CCT5: variants seen among roughly 807,000 people sequenced by gnomAD.
CCT5 encodes T-complex protein 1 subunit epsilon.
Under a neutral mutation model 55.0 loss-of-function variants are expected in CCT5, and 6 were observed. That is an observed-to-expected ratio of 0.11 (90% CI 0.06 to 0.22). The LOEUF (loss-of-function observed/expected upper bound fraction) is 0.22, where lower values mean the gene tolerates loss of function less well. CCT5 is among the 10% of genes least tolerant of loss of function. CCT5 has a pLI of 1.00. For synonymous variants in CCT5, 231 were observed against 243.7 expected (o/e 0.95, Z 0.49); for missense variants, 560 against 694.6 (o/e 0.81, Z 2.18).
At position 10,258,475 on chromosome 5, in the gene CCT5, C is replaced by G; in HGVS notation, c.813C>G (p.Val271=). The change falls in exon 6 of 11, where the codon GTC becomes GTG. Residue 271 remains valine (V), a synonymous_variant. Coordinates refer to ENST00000280326, the MANE Select transcript of CCT5 (RefSeq NM_012073.5). ...KTKHKLDVTS[V]EDYKALQKYE... ...AGCATAAGCTGGATGTGACCTCTGT[C>G]GAAGATTATAAAGCCCTTCAGAAAT... is the stretch of plus-strand genomic sequence containing the variant. 1 of 1,613,914 alleles carries G rather than the reference C, an allele frequency of 6.2e-7. No individual in the cohort carries two copies. Among genetic ancestry groups the G allele is most frequent in the Non-Finnish European group, 8.5e-7 (1 of 1,179,864 alleles).
chr5:10,263,632 C>T (rs778323219), intron 10 of CCT5, among the ~76,000 whole-genome samples: 1 of 152,190 alleles, frequency 6.6e-6, no homozygotes, highest in Non-Finnish European at 1.5e-5. Context: ...CAGTGGGCAG[C>T]ATATATATAA....
In CCT5 at chr5:10,258,433, A is replaced by T; in HGVS notation, c.771A>T (p.Pro257=). The stretch of plus-strand genomic sequence containing the variant: ...CAATTCTCACATGTCCATTTGAACC[A>T]CCCAAACCAAAAACAAAGCATAAGC... The part of the protein sequence containing the change: ...KIAILTCPFE[P]PKPKTKHKLD... Residue 257 remains proline, a synonymous_variant, in exon 6 of 11, where the codon CCA becomes CCT. Coordinates refer to ENST00000280326, the MANE Select transcript of CCT5 (RefSeq NM_012073.5). 6.2e-7 allele frequency: 1 copy of T among 1,614,204 alleles called. No individual in the cohort carries two copies. Among genetic ancestry groups the T allele is most frequent in the East Asian group, 2.2e-5 (1 of 44,896 alleles).
chr5:10,250,335 T>C lies in CCT5; in HGVS notation c.-6T>C. 1 of 1,614,028 alleles carries C rather than the reference T, an allele frequency of 6.2e-7. No homozygotes were observed. The highest frequency in any genetic ancestry group is 8.5e-7 in the Non-Finnish European group (1 of 1,180,022). ...GTTGGGGGGAAGTAATTCCGGTTGT[T>C]GCACCATGGCGTCCATGGGGACCCT... On this transcript the variant is annotated 5_prime_UTR_variant, in exon 1 of 11. Transcript: ENST00000280326.
Position 10,250,407 on chromosome 5 carries a change from G to A in CCT5, c.67G>A (p.Asp23Asn). The A allele has an allele frequency of 6.2e-7, 1 of 1,614,064 alleles. No individual in the cohort carries two copies. The highest frequency in any genetic ancestry group is 8.5e-7 in the Non-Finnish European group (1 of 1,180,048). ...GRPFLIIKDQ[D>N]RKSRLMGLEA... is the part of the protein sequence containing the mutation. ...CCCTTTCCTCATCATCAAGGATCAG[G>A]ACCGCAAGTCCCGTCTTATGGGACT... The change falls in exon 1 of 11, where the codon GAC (aspartate) becomes AAC (asparagine). Residue 23 changes from aspartate to asparagine, a missense_variant. Coordinates refer to ENST00000280326, the MANE Select transcript of CCT5 (RefSeq NM_012073.5).
intron 8 of CCT5, 91 bp downstream of exon 8, chr5:10,261,836 AC>A: frequency 2.0e-6 from 2 of 981,280 alleles, no homozygotes; most frequent in Non-Finnish European, 3.3e-6. Flanking sequence ...AGACACAGTC[AC>A]CATAAGAAAA....
chr5:10,255,509 C>T (rs563188008), intron 3 of CCT5, among the ~76,000 whole-genome samples: 5 of 149,848 alleles, frequency 3.3e-5, no homozygotes, highest in African/African-American at 7.4e-5. Context: ...GTTCTCGGTG[C>T]GCTTGGAGAG....
rs1746053226 is a variant in CCT5 at position 10,263,210 on chromosome 5, A to T, written c.1394A>T (p.Asn465Ile). 3 of 1,614,178 alleles carry T rather than the reference A, an allele frequency of 1.9e-6. No homozygotes were observed. Among genetic ancestry groups the T allele is most frequent in the Non-Finnish European group, 2.5e-6 (3 of 1,180,040 alleles). The change falls in exon 10 of 11, where the codon AAC becomes ATC. Residue 465 changes from asparagine (N) to isoleucine (I), a missense_variant. By Grantham distance (149) the Asn-to-Ile change is moderately radical (BLOSUM62 -3). Around this residue, in one of 4 missense-constraint regions of CCT5, gnomAD observed 115 missense variants for 105.0 expected, o/e 1.10. Transcript: ENST00000280326. ...GTCATCCCCATGGCCCTCTCTGAAA[A>T]CAGTGGCATGAATCCCATCCAGACT... is the stretch of plus-strand genomic sequence containing the variant. ...LEVIPMALSE[N>I]SGMNPIQTMT...
chr5:10,262,461 G>A lies in CCT5; in HGVS notation c.1180-20G>A, dbSNP rs756917554. Reference sequence around the variant, plus strand: ...ACTAGATCTTGATCACATTAATTCAGGCAAAGCTGTTTTCCTTAGATCATT... The same window carrying A: ...ACTAGATCTTGATCACATTAATTCAAGCAAAGCTGTTTTCCTTAGATCATT... On this transcript the variant is annotated intron_variant, in intron 8 of 10. Transcript: ENST00000280326. 11 of 1,613,006 alleles carry A rather than the reference G, an allele frequency of 6.8e-6. No individual in the cohort carries two copies. Among genetic ancestry groups the A allele is most frequent in the Non-Finnish European group, 8.5e-6 (10 of 1,179,942 alleles).
intron 1 of CCT5, chr5:10,250,733 C>G: frequency 1.6e-6 from 2 of 1,257,908 alleles, no homozygotes; most frequent in Non-Finnish European, 2.0e-6. Flanking sequence ...AGCGGGACCG[C>G]CTCCCCGCCC....
chr5:10,249,930 AAAAACC>A (rs1745273306), upstream of CCT5: 1,420 of 753,870 alleles, frequency 1.9e-3, 4 homozygotes, highest in Non-Finnish European at 2.2e-3. Flanking sequence ...AAAAAAAAAA[AAAAACC>A]GGAAATGGGT....
At chr5:10,260,522 C>G (rs1230050711) in intron 6 of CCT5, among the ~76,000 whole-genome samples, 1 of 140,824 alleles carries the variant, frequency 7.1e-6, no homozygotes, top group Non-Finnish European at 1.6e-5. Flanking sequence ...GGTTTTGCCT[C>G]ACTGTAACAA....
intron 9 of CCT5, 104 bp from the exon 10 acceptor site, chr5:10,263,030 T>C (rs1319225889): frequency 1.1e-6 from 1 of 934,634 alleles, no homozygotes; most frequent in Non-Finnish European, 1.7e-6. Context: ...TACAATTCTT[T>C]GTGAGCTGAC....
intron 1 of CCT5, among the ~76,000 whole-genome samples, chr5:10,252,787 A>C (rs1745491820): frequency 6.6e-6 from 1 of 152,166 alleles, no homozygotes; most frequent in African/African-American, 2.4e-5. Flanking sequence ...CTGGAAACAC[A>C]CAGAACTAGC....
chr5:10,261,638 C>G lies in CCT5; in HGVS notation c.1072C>G (p.Leu358Val). The G allele has an allele frequency of 3.1e-6, 5 of 1,614,112 alleles. No homozygotes were observed. Among genetic ancestry groups the G allele is most frequent in the Non-Finnish European group, 4.2e-6 (5 of 1,180,012 alleles). ...AGCCGAGAAGCTGGGCTTTGCTGGT[C>G]TTGTACAGGAGATCTCATTTGGGAC... is the stretch of plus-strand genomic sequence containing the variant. Reference protein sequence around the residue: ...LTAEKLGFAGLVQEISFGTTK... With the variant: ...LTAEKLGFAGVVQEISFGTTK... Residue 358 changes from leucine (L) to valine (V), a missense_variant, in exon 8 of 11, where the codon CTT becomes GTT. Physicochemically the swap from Leu to Val is conservative, Grantham distance 32. Around this residue, in one of 4 missense-constraint regions of CCT5, gnomAD observed 256 missense variants for 372.4 expected, o/e 0.69. Coordinates refer to ENST00000280326, the MANE Select transcript of CCT5 (RefSeq NM_012073.5).
In CCT5 at chr5:10,265,183, G is replaced by T; in HGVS notation, c.*400G>T. On this transcript the variant is annotated 3_prime_UTR_variant, in exon 11 of 11. Transcript: ENST00000280326. ...GCACTTTCATATTGAGAGGAATATG[G>T]GCTTGATCCTCTTCCTATCTAAATG... The T allele has an allele frequency of 9.2e-6, 2 of 217,240 alleles. No homozygotes were observed. The highest frequency in any genetic ancestry group is 6.6e-5 in the South Asian group (1 of 15,178). 13.5% of individuals were successfully genotyped at this position (217,240 alleles called of 1,614,324 possible). A position where few individuals can be genotyped will look rare whatever the true frequency, so the allele number is the denominator to read the frequency against.
intron 10 of CCT5, among the ~76,000 whole-genome samples, chr5:10,263,905 G>A (rs1445983878): frequency 6.6e-6 from 1 of 152,112 alleles, no homozygotes; most frequent in Non-Finnish European, 1.5e-5. Context: ...AATTCCAAGG[G>A]TTTCAATAGT....
intron 1 of CCT5, chr5:10,250,930 C>T: frequency 1.1e-6 from 1 of 937,876 alleles, no homozygotes; most frequent in African/African-American, 1.8e-5. Flanking sequence ...TTTCTGAGTG[C>T]TTTTTTGCCC....
At position 10,256,160 on chromosome 5, in the gene CCT5, T is replaced by C; in HGVS notation, c.530+7T>C. On this transcript the variant is annotated splice_region_variant and intron_variant, in intron 4 of 10. Transcript: ENST00000280326. ...CCACGCTGGGCTCCAAAGTGTACGT[T>C]TCAGTAGATGATATGATTACCCATT... 1 of 1,610,718 alleles carries C rather than the reference T, an allele frequency of 6.2e-7. No individual in the cohort carries two copies. Among genetic ancestry groups the C allele is most frequent in the Non-Finnish European group, 8.5e-7 (1 of 1,178,748 alleles).
In CCT5 at chr5:10,264,842, C is replaced by G; in HGVS notation, c.*59C>G. On this transcript the variant is annotated 3_prime_UTR_variant, in exon 11 of 11. Coordinates refer to ENST00000280326, the MANE Select transcript of CCT5 (RefSeq NM_012073.5). ...TCTGTGATTAAGTAAATGGATGTCT[C>G]GTGATGCATCTACAGTTATTTATTG... is the stretch of plus-strand genomic sequence containing the variant. 1 of 1,603,104 alleles carries G rather than the reference C, an allele frequency of 6.2e-7. No homozygotes were observed. Among genetic ancestry groups the G allele is most frequent in the South Asian group, 1.1e-5 (1 of 90,530 alleles).
Sources: gnomAD v4.1 joint callset for allele counts (sites outside exome capture counted in the v4.1 genomes callset) on GRCh38, gnomAD v4.1.1 for gene constraint, gnomAD v4.1.1 regional missense constraint, MANE v1.5 for transcripts, NCBI Gene and HGNC (gene_info 2026-07-23, HGNC 2026-07-21) for gene names.